SLCO6A1: variants seen among roughly 807,000 people sequenced by gnomAD.
The protein encoded by SLCO6A1 is cancer/testis antigen 48.
In SLCO6A1, 65 loss-of-function variants were observed where a neutral mutation model predicts 72.7. That is an observed-to-expected ratio of 0.89 (90% CI 0.73 to 1.10). The LOEUF (loss-of-function observed/expected upper bound fraction) is 1.10, where lower values mean the gene tolerates loss of function less well. SLCO6A1 is among the 50% of genes least tolerant of loss of function. The probability of loss-of-function intolerance (pLI) is 0.00; values close to 1 mark genes in which losing one functional copy is unlikely to be tolerated. For missense variants in SLCO6A1, 874 were observed against 872.6 expected, an observed-to-expected ratio of 1.00 and a Z score of -0.02; for synonymous variants, 314 against 298.2, an observed-to-expected ratio of 1.05 and a Z score of -0.55.
intron 6 of SLCO6A1, among the ~76,000 whole-genome samples, chr5:102,451,775 T>C (rs1279139003): frequency 6.6e-6 from 1 of 152,230 alleles, no homozygotes; most frequent in Non-Finnish European, 1.5e-5. Flanking sequence ...AATCCCAATG[T>C]GTCCTCCTGG....
chr5:102,475,607 T>G, intron 4 of SLCO6A1, 90 bp downstream of exon 4: 3 of 755,736 alleles, frequency 4.0e-6, no homozygotes, highest in Non-Finnish European at 6.2e-6. Flanking sequence ...TTATTACAAA[T>G]TAAATATATA....
Position 102,498,712 on chromosome 5 carries a change from CG to C in SLCO6A1, c.132del (p.Lys47AsnfsTer5). 6.2e-7 allele frequency: 1 copy of C among 1,614,176 alleles called. No individual in the cohort carries two copies. The highest frequency in any genetic ancestry group is 1.3e-5 in the African/African-American group (1 of 75,050). The stretch of plus-strand genomic sequence containing the variant: ...AGTCTCAGATACCGGTGTTTTTTCC[CG>C]GGCTTCGAGGACTTCGGGGTTCCCT... ...RAKGTPKSSK[P>X]GKKHRYLRLL... On this transcript the variant is annotated frameshift_variant, in exon 1 of 14. Transcript: ENST00000506729. LOFTEE classifies it high-confidence loss of function.
At chr5:102,471,047 G>A (rs1241792459) in intron 4 of SLCO6A1, among the ~76,000 whole-genome samples, 1 of 151,870 alleles carries the variant, frequency 6.6e-6, no homozygotes, top group Non-Finnish European at 1.5e-5. Context: ...TTGGGGCATG[G>A]TTTTTCTTTC....
At chr5:102,379,425 C>T (rs752486583) in intron 12 of SLCO6A1, among the ~76,000 whole-genome samples, 27 of 152,036 alleles carry the variant, frequency 1.8e-4, no homozygotes, top group Non-Finnish European at 2.5e-4. Flanking sequence ...ATATGTAATG[C>T]GTCTGGAACT....
rs149905916 is a variant in SLCO6A1 at position 102,458,391 on chromosome 5, A to C, written c.1122T>G (p.Ala374=). 38 of 1,606,348 alleles carry C rather than the reference A, an allele frequency of 2.4e-5. No individual in the cohort carries two copies. Among genetic ancestry groups the C allele is most frequent in the Non-Finnish European group, 3.1e-5 (36 of 1,175,344 alleles). Residue 374 remains alanine (A), a synonymous_variant, in exon 6 of 14, where the codon GCT becomes GCG. Transcript: ENST00000506729. ...KLGTNIKDLC[A]ALWILMKNPV... ...AAATATTTTACTTTACCCAAAGAGC[A>C]GCACATAAATCCTTGATATTAGTTC...
chr5:102,409,570 C>A (rs1487504779), intron 9 of SLCO6A1, among the ~76,000 whole-genome samples: 1 of 152,074 alleles, frequency 6.6e-6, no homozygotes, highest in Admixed American at 6.6e-5. Context: ...TCACATTTTA[C>A]TAAAAGCTTC....
In SLCO6A1 at chr5:102,458,388, A is replaced by T; in HGVS notation, c.1125T>A (p.Ala375=). The change falls in exon 6 of 14, where the codon GCT becomes GCA. Residue 375 remains alanine, a synonymous_variant. Transcript: ENST00000506729. ...LGTNIKDLCA[A]LWILMKNPVL... is the part of the protein sequence containing the mutation. ...GTAAAATATTTTACTTTACCCAAAGAGCAGCACATAAATCCTTGATATTAG... is the reference window on the plus strand; with the variant it reads ...GTAAAATATTTTACTTTACCCAAAGTGCAGCACATAAATCCTTGATATTAG... The T allele has an allele frequency of 6.2e-7, 1 of 1,604,042 alleles. No individual in the cohort carries two copies. Among genetic ancestry groups the T allele is most frequent in the Non-Finnish European group, 8.5e-7 (1 of 1,173,624 alleles).
In SLCO6A1 at chr5:102,474,896, A is replaced by AAAAC. The variant is rs148145118; in HGVS notation, c.899+797_899+800dup. On this transcript the variant is annotated intron_variant, in intron 4 of 13. Coordinates refer to ENST00000506729, the MANE Select transcript of SLCO6A1 (RefSeq NM_173488.5). ...ATCCATTAGGATGGTCACTATCAGA[A>AAAAC]AAACAAACAAACAAACAAACAGAAA... Among the ~76,000 whole-genome samples the AAAAC allele has an allele frequency of 7.9e-5, 12 of 152,062 alleles. No individual in the cohort carries two copies. In the South Asian group the frequency reaches 8.3e-4, roughly 10 times the overall value.
At chr5:102,451,471 G>C (rs1036401146) in intron 6 of SLCO6A1, among the ~76,000 whole-genome samples, 4 of 152,168 alleles carry the variant, frequency 2.6e-5, no homozygotes, top group African/African-American at 7.2e-5. Flanking sequence ...CTAGCATAGG[G>C]GTGTTCAGGA....
intron 1 of SLCO6A1, among the ~76,000 whole-genome samples, chr5:102,492,030 A>G (rs1175626619): frequency 6.6e-6 from 1 of 152,238 alleles, no homozygotes; most frequent in Non-Finnish European, 1.5e-5. Context: ...CCAGAGAAGG[A>G]GGAAGAGAGT....
Position 102,388,750 on chromosome 5 carries a change from C to A in SLCO6A1, c.1955G>T (p.Gly652Val). The A allele has an allele frequency of 6.2e-7, 1 of 1,608,610 alleles. No homozygotes were observed. Among genetic ancestry groups the A allele is most frequent in the South Asian group, 1.1e-5 (1 of 89,966 alleles). Residue 652 changes from glycine to valine, a missense_variant, in exon 12 of 14, where the codon GGA becomes GTA. Gly to Val is a moderately radical substitution (Grantham distance 109, BLOSUM62 -3). Coordinates refer to ENST00000506729, the MANE Select transcript of SLCO6A1 (RefSeq NM_173488.5). ...ATATATCCAACAACGTCCTGTGTGTCCACATTTATTAACATCCCGTAAAAT... is the reference window on the plus strand; with the variant it reads ...ATATATCCAACAACGTCCTGTGTGTACACATTTATTAACATCCCGTAAAAT... ...SCILRDVNKCGHTGRCWIYNK... is the reference protein window; with the variant it reads ...SCILRDVNKCVHTGRCWIYNK...
chr5:102,446,030 CT>C (rs1009610368), intron 6 of SLCO6A1, among the ~76,000 whole-genome samples: 19 of 152,074 alleles, frequency 1.2e-4, no homozygotes, highest in African/African-American at 4.3e-4. Flanking sequence ...CTTAGGATTG[CT>C]TTGGCTCTTG....
At chr5:102,479,708 A>G in intron 2 of SLCO6A1, among the ~76,000 whole-genome samples, 1 of 152,104 alleles carries the variant, frequency 6.6e-6, no homozygotes, top group Non-Finnish European at 1.5e-5. Flanking sequence ...ACCCTACTCA[A>G]AATAACTCTT....
rs147274452 is a variant in SLCO6A1, at chr5:102,456,103, C to T, written c.1131+2279G>A. Among the ~76,000 whole-genome samples the T allele has an allele frequency of 5.5e-3, 838 of 152,066 alleles. 4 individuals carry two copies. Among genetic ancestry groups the T allele is most frequent in the African/African-American group, 0.019 (805 of 41,488 alleles). On this transcript the variant is annotated intron_variant, in intron 6 of 13. Coordinates refer to ENST00000506729, the MANE Select transcript of SLCO6A1 (RefSeq NM_173488.5). ...ATAAATTAGGTATTGATGGGATATA[C>T]CTCAAAATAATAAGACCTATCTATA...
chr5:102,391,372 G>A (rs527614579), intron 10 of SLCO6A1: 1 of 241,660 alleles, frequency 4.1e-6, no homozygotes, highest in East Asian at 9.1e-5. Context: ...ATTCTATCAT[G>A]TACACTCATT....
intron 1 of SLCO6A1, among the ~76,000 whole-genome samples, chr5:102,486,510 A>G (rs1752447999): frequency 6.6e-6 from 1 of 152,154 alleles, no homozygotes; most frequent in African/African-American, 2.4e-5. Context: ...TCAAAATCAT[A>G]AATCAACTGA....
chr5:102,397,753 T>A lies in SLCO6A1; in HGVS notation c.1814+1802A>T, dbSNP rs555241057. On this transcript the variant is annotated intron_variant, in intron 10 of 13. Coordinates refer to ENST00000506729, the MANE Select transcript of SLCO6A1 (RefSeq NM_173488.5). ...TGTATATTTTCTGTTCCTTATAACA[T>A]CTTCTGAACCTACAAGCTGGTTTCC... 1.2e-4 allele frequency among the ~76,000 whole-genome samples: 19 copies of A among 152,306 alleles called. No individual in the cohort carries two copies. In the South Asian group the frequency reaches 3.9e-3, roughly 32 times the overall value.
chr5:102,461,389 A>G (rs1161586719), intron 4 of SLCO6A1, among the ~76,000 whole-genome samples: 1 of 152,132 alleles, frequency 6.6e-6, no homozygotes, highest in Non-Finnish European at 1.5e-5. Flanking sequence ...AAGTAATTCA[A>G]ATCAAAATGC....
chr5:102,438,714 AG>A lies in SLCO6A1; in HGVS notation c.1178del (p.Ala393ValfsTer5). The A allele has an allele frequency of 6.3e-7, 1 of 1,592,948 alleles. No individual in the cohort carries two copies. Among genetic ancestry groups the A allele is most frequent in the Non-Finnish European group, 8.5e-7 (1 of 1,171,346 alleles). ...CTCCAATAATAACTAAATATTCTGT[AG>A]CTTTTGACAGAGCTAGGCATATGAG... is the stretch of plus-strand genomic sequence containing the variant. The part of the protein sequence containing the change: ...PVLICLALSK[A>X]TEYLVIIGAS... On this transcript the variant is annotated frameshift_variant, in exon 7 of 14. Transcript: ENST00000506729. LOFTEE classifies it high-confidence loss of function.
Sources: gnomAD v4.1 joint callset for allele counts (sites outside exome capture counted in the v4.1 genomes callset) on GRCh38, gnomAD v4.1.1 for gene constraint, MANE v1.5 for transcripts, NCBI Gene and HGNC (gene_info 2026-07-23, HGNC 2026-07-21) for gene names.